ADAM18: variants seen among roughly 807,000 people sequenced by gnomAD.
ADAM18 encodes ADAM metallopeptidase domain 18.
Under a neutral mutation model 94.4 loss-of-function variants are expected in ADAM18, and 117 were observed. The observed-to-expected ratio is 1.24, with a 90% CI of 1.07 to 1.45. The LOEUF is 1.45. ADAM18 is among the 40% of genes most tolerant of loss of function. The pLI is 0.00. For missense variants in ADAM18, 936 were observed against 880.0 expected (o/e 1.06, Z -0.81); for synonymous variants, 327 against 291.6 (o/e 1.12, Z -1.24).
chr8:39,718,189 A>T (rs372559419), intron 18 of ADAM18, among the ~76,000 whole-genome samples: 2 of 151,580 alleles, frequency 1.3e-5, no homozygotes, highest in East Asian at 3.9e-4. Flanking sequence ...TAGAACTGTC[A>T]TATGATCCAG....
intron 18 of ADAM18, among the ~76,000 whole-genome samples, chr8:39,712,961 A>G (rs1232064324): frequency 4.6e-5 from 7 of 152,202 alleles, no homozygotes; most frequent in Non-Finnish European, 8.8e-5. Flanking sequence ...TATGGAACCA[A>G]AAAAGAGCCC....
intron 17 of ADAM18, among the ~76,000 whole-genome samples, chr8:39,700,810 T>G (rs1822046094): frequency 6.6e-6 from 1 of 152,008 alleles, no homozygotes; most frequent in South Asian, 2.1e-4. Flanking sequence ...TTGATTATAT[T>G]TTTAACTTTT....
At chr8:39,633,349 A>C (rs77743489) in intron 7 of ADAM18, among the ~76,000 whole-genome samples, 1 of 152,210 alleles carries the variant, frequency 6.6e-6, no homozygotes, top group Admixed American at 6.6e-5. Context: ...AAAAGCTTGT[A>C]TTACTGCAAA....
chr8:39,712,697 C>T (rs188220982), intron 18 of ADAM18, among the ~76,000 whole-genome samples: 1 of 152,172 alleles, frequency 6.6e-6, no homozygotes, highest in Non-Finnish European at 1.5e-5. Context: ...ACAATTGCTT[C>T]AAAGAGAATA....
intron 6 of ADAM18, among the ~76,000 whole-genome samples, chr8:39,628,614 C>T (rs1263851404): frequency 1.3e-5 from 2 of 152,024 alleles, no homozygotes; most frequent in Non-Finnish European, 2.9e-5. Context: ...ATTCAACACC[C>T]TCTTTACTCT....
intron 16 of ADAM18, among the ~76,000 whole-genome samples, chr8:39,688,206 T>A (rs1310370820): frequency 6.6e-6 from 1 of 152,184 alleles, no homozygotes; most frequent in African/African-American, 2.4e-5. Context: ...TGATTAGTGA[T>A]GATGAACTTT....
At chr8:39,669,239 TACTTGACACATGACATC>T in intron 14 of ADAM18, among the ~76,000 whole-genome samples, 1 of 151,674 alleles carries the variant, frequency 6.6e-6, no homozygotes, top group South Asian at 2.1e-4. Flanking sequence ...AGAATTCATT[TACTTGACACATGACATC>T]TTTTTTGAGT....
intron 16 of ADAM18, among the ~76,000 whole-genome samples, chr8:39,681,681 C>T (rs950143134): frequency 6.6e-6 from 1 of 152,040 alleles, no homozygotes; most frequent in Non-Finnish European, 1.5e-5. Context: ...GCTCATATTG[C>T]CTGAAACAGA....
chr8:39,593,984 T>A (rs541290385), intron 2 of ADAM18, among the ~76,000 whole-genome samples: 1 of 152,288 alleles, frequency 6.6e-6, no homozygotes, highest in Non-Finnish European at 1.5e-5. Flanking sequence ...CCTATTCATA[T>A]CATTTATATT....
At chr8:39,634,415 A>G (rs564239670) in intron 7 of ADAM18, among the ~76,000 whole-genome samples, 4 of 152,308 alleles carry the variant, frequency 2.6e-5, no homozygotes, top group South Asian at 4.1e-4. Context: ...AACACCTGGG[A>G]AAGCTGCATG....
At chr8:39,625,098 A>G (rs895378745) in intron 6 of ADAM18, among the ~76,000 whole-genome samples, 1 of 152,094 alleles carries the variant, frequency 6.6e-6, no homozygotes, top group Non-Finnish European at 1.5e-5. Flanking sequence ...TGGTATTTTG[A>G]TAGGAATTGC....
At chr8:39,627,110 A>G (rs373659776) in intron 6 of ADAM18, among the ~76,000 whole-genome samples, 4 of 152,252 alleles carry the variant, frequency 2.6e-5, no homozygotes, top group African/African-American at 9.6e-5. Flanking sequence ...ATATATATTT[A>G]GGATTATAAT....
At chr8:39,660,798 TAATC>T (rs1357356641) in intron 12 of ADAM18, among the ~76,000 whole-genome samples, 1 of 152,192 alleles carries the variant, frequency 6.6e-6, no homozygotes, top group African/African-American at 2.4e-5. Flanking sequence ...GTAGTAATTC[TAATC>T]AATAATAGCA....
intron 17 of ADAM18, 33 bp downstream of exon 17, chr8:39,692,713 T>C (rs1821816861): frequency 3.3e-6 from 5 of 1,510,716 alleles, no homozygotes; most frequent in Non-Finnish European, 3.7e-6. Context: ...TTGCATGTTA[T>C]TCTTGTGGGT....
intron 12 of ADAM18, among the ~76,000 whole-genome samples, chr8:39,651,213 T>C (rs1820524860): frequency 6.6e-6 from 1 of 152,046 alleles, no homozygotes; most frequent in Non-Finnish European, 1.5e-5. Flanking sequence ...TCTCAGTAGA[T>C]GGAATATACA....
chr8:39,686,689 AC>A (rs1407949679), intron 16 of ADAM18, among the ~76,000 whole-genome samples: 260 of 152,346 alleles, frequency 1.7e-3, no homozygotes, highest in African/African-American at 6.0e-3. Context: ...TTAAATGATT[AC>A]AATTTCTGAC....
In ADAM18 at chr8:39,606,382, T is replaced by C; in HGVS notation, c.188+20T>C. On this transcript the variant is annotated intron_variant, in intron 3 of 19. Coordinates refer to ENST00000265707, the MANE Select transcript of ADAM18 (RefSeq NM_014237.3). The stretch of plus-strand genomic sequence containing the variant: ...AAAACAGTAAGATATGATTTTTTTT[T>C]CATTAAGGAAAAGGGAAAGCTTTAA... 2 of 1,490,384 alleles carry C rather than the reference T, an allele frequency of 1.3e-6. No individual in the cohort carries two copies. Among genetic ancestry groups the C allele is most frequent in the Admixed American group, 2.1e-5 (1 of 47,818 alleles). 92.3% of individuals were successfully genotyped at this position (1,490,384 alleles called of 1,614,324 possible).
chr8:39,699,500 T>TG (rs1367859087), intron 17 of ADAM18, among the ~76,000 whole-genome samples: 1 of 152,174 alleles, frequency 6.6e-6, no homozygotes, highest in Non-Finnish European at 1.5e-5. Context: ...TGGTTTATTA[T>TG]TTTTTAATAC....
intron 11 of ADAM18, among the ~76,000 whole-genome samples, chr8:39,646,700 T>C (rs1041100256): frequency 6.6e-6 from 1 of 152,192 alleles, no homozygotes; most frequent in Admixed American, 6.5e-5. Context: ...ATGTGTGTTG[T>C]GCATCTATTA....
Sources: allele counts gnomAD v4.1 joint callset (sites outside exome capture counted in the v4.1 genomes callset), GRCh38; gene constraint gnomAD v4.1.1; transcripts MANE v1.5; gene names NCBI Gene and HGNC (gene_info 2026-07-23, HGNC 2026-07-21).